Variants in LPP observed in about 807,000 individuals in gnomAD.
LPP encodes the protein LIM domain containing preferred translocation partner in lipoma, also known as lipoma-preferred partner.
A neutral mutation model predicts 60.4 loss-of-function variants in LPP; 38 were observed. The observed-to-expected ratio is 0.63, with a 90% CI of 0.49 to 0.83. The LOEUF (loss-of-function observed/expected upper bound fraction) is 0.83, where lower values mean the gene tolerates loss of function less well. Among genes scored for constraint, LPP ranks in the 40% least tolerant of loss-of-function variants. LPP has a pLI of 0.00. For missense variants in LPP, 902 were observed against 783.6 expected (o/e 1.15, Z -1.80); for synonymous variants, 328 against 290.8 (o/e 1.13, Z -1.30).
intron 9 of LPP, among the ~76,000 whole-genome samples, chr3:188,821,501 C>T (rs1239213128): frequency 6.6e-6 from 1 of 151,512 alleles, no homozygotes; most frequent in African/African-American, 2.4e-5. Flanking sequence ...ACCTGTAAAC[C>T]CATAATTTAT....
At chr3:188,201,066 TCTCCTCCTGG>T (rs911751460) in intron 1 of LPP, among the ~76,000 whole-genome samples, 1 of 152,208 alleles carries the variant, frequency 6.6e-6, no homozygotes, top group African/African-American at 2.4e-5. Context: ...TTCAGTTTAA[TCTCCTCCTGG>T]GAGTCATACC....
chr3:188,177,776 A>G (rs187464647), intron 1 of LPP, among the ~76,000 whole-genome samples: 3 of 152,290 alleles, frequency 2.0e-5, no homozygotes, highest in Non-Finnish European at 4.4e-5. Flanking sequence ...TTTTTATTAC[A>G]GGGAAACACC....
chr3:188,625,535 C>T (rs746577399), intron 7 of LPP, among the ~76,000 whole-genome samples: 2 of 152,066 alleles, frequency 1.3e-5, no homozygotes, highest in Admixed American at 6.6e-5. Context: ...TGAAACATTT[C>T]GGAGAAGGCA....
In LPP at chr3:188,305,807, G is replaced by A. The variant is rs182693247; in HGVS notation, c.-66-35856G>A. Among the ~76,000 whole-genome samples, 357 of 152,252 alleles carry A rather than the reference G, an allele frequency of 2.3e-3. 2 individuals carry two copies. The highest frequency in any genetic ancestry group is 4.7e-3 in the Admixed American group (72 of 15,286). On this transcript the variant is annotated intron_variant, in intron 2 of 11. Transcript: ENST00000617246. Reference sequence around the variant, plus strand: ...CCAGTAGTGTCATGAAACAAAGTACGTTGGCCAGAGAGAGACATATACTAT... The same window carrying A: ...CCAGTAGTGTCATGAAACAAAGTACATTGGCCAGAGAGAGACATATACTAT...
intron 4 of LPP, among the ~76,000 whole-genome samples, chr3:188,413,602 G>C (rs1303188593): frequency 6.6e-6 from 1 of 152,072 alleles, no homozygotes; most frequent in Non-Finnish European, 1.5e-5. Context: ...AGGTCCTCAG[G>C]GGGACAAAAG....
intron 2 of LPP, among the ~76,000 whole-genome samples, chr3:188,309,047 AG>A (rs1752555263): frequency 1.6e-5 from 1 of 61,380 alleles, no homozygotes; most frequent in African/African-American, 7.2e-5. Context: ...TTTGATATGG[AG>A]TCTCACTCTG....
At chr3:188,427,016 T>C (rs1252853177) in intron 4 of LPP, among the ~76,000 whole-genome samples, 1 of 152,156 alleles carries the variant, frequency 6.6e-6, no homozygotes, top group Non-Finnish European at 1.5e-5. Flanking sequence ...TTATTTTCCC[T>C]GTTAGTTGAT....
At chr3:188,243,398 G>A (rs1317263425) in intron 2 of LPP, among the ~76,000 whole-genome samples, 2 of 152,150 alleles carry the variant, frequency 1.3e-5, no homozygotes, top group Non-Finnish European at 2.9e-5. Flanking sequence ...AGTATTGATA[G>A]GAAAACAGCA....
chr3:188,212,435 C>A lies in LPP; in HGVS notation c.-189-12970C>A, dbSNP rs867780851. Among the ~76,000 whole-genome samples the A allele has an allele frequency of 3.9e-5, 6 of 151,982 alleles. No homozygotes were observed. The South Asian group carries it at 1.0e-3, about 26-fold the overall frequency. On this transcript the variant is annotated intron_variant, in intron 1 of 11. Transcript: ENST00000617246. ...CTTCTTTAGCGGTTAATAATTTACT[C>A]CGAGTAAGGAATTCTTTGTTAAAGT...
At chr3:188,461,899 A>G (rs1037794530) in intron 4 of LPP, among the ~76,000 whole-genome samples, 1 of 151,930 alleles carries the variant, frequency 6.6e-6, no homozygotes, top group Admixed American at 6.6e-5. Flanking sequence ...CCATTTCTTC[A>G]CTCATATTTC....
intron 9 of LPP, among the ~76,000 whole-genome samples, chr3:188,804,243 T>TATATATATATATATATA (rs1553853278): frequency 2.7e-5 from 1 of 37,698 alleles, no homozygotes; most frequent in African/African-American, 1.1e-4. Context: ...TAGTGCATCT[T>TATATATATATATATATA]TATATATATA....
At chr3:188,323,279 C>T (rs1757463432) in intron 2 of LPP, among the ~76,000 whole-genome samples, 1 of 152,178 alleles carries the variant, frequency 6.6e-6, no homozygotes, top group South Asian at 2.1e-4. Flanking sequence ...TGTGAATCAC[C>T]TTGGGAAAGC....
chr3:188,666,166 T>G (rs1306403268), intron 7 of LPP, among the ~76,000 whole-genome samples: 4 of 152,216 alleles, frequency 2.6e-5, no homozygotes, highest in Non-Finnish European at 5.9e-5. Flanking sequence ...AACTAAGAAT[T>G]GTAATGTTAT....
chr3:188,320,200 G>C (rs534231174), intron 2 of LPP, among the ~76,000 whole-genome samples: 27 of 152,304 alleles, frequency 1.8e-4, no homozygotes, highest in Middle Eastern at 3.4e-3. Context: ...AAGACCAGTT[G>C]TCTGGGACTA....
intron 1 of LPP, among the ~76,000 whole-genome samples, chr3:188,204,447 G>C (rs1465613392): frequency 6.6e-6 from 1 of 152,130 alleles, no homozygotes; most frequent in Non-Finnish European, 1.5e-5. Context: ...CTTGCAATTG[G>C]AGTAGCGGGG....
At chr3:188,595,142 T>C (rs1839742859) in intron 6 of LPP, among the ~76,000 whole-genome samples, 1 of 152,172 alleles carries the variant, frequency 6.6e-6, no homozygotes, top group Admixed American at 6.5e-5. Context: ...CCAAATTCTT[T>C]GAATTCTTTC....
intron 9 of LPP, among the ~76,000 whole-genome samples, chr3:188,838,284 A>G (rs182163976): frequency 7.4e-4 from 113 of 152,268 alleles, no homozygotes; most frequent in African/African-American, 2.6e-3. Flanking sequence ...GGATGAAAAA[A>G]AGATTCTAGG....
chr3:188,287,382 A>G (rs1744301710), intron 2 of LPP, among the ~76,000 whole-genome samples: 1 of 152,222 alleles, frequency 6.6e-6, no homozygotes, highest in Non-Finnish European at 1.5e-5. Context: ...TAAGAAACTG[A>G]GGTCTGGCAA....
At chr3:188,591,454 T>TATTTC (rs1220871516) in intron 6 of LPP, among the ~76,000 whole-genome samples, 1 of 152,200 alleles carries the variant, frequency 6.6e-6, no homozygotes, top group Non-Finnish European at 1.5e-5. Flanking sequence ...CCATACATAT[T>TATTTC]CATATTAGGA....
Sources: gnomAD v4.1 joint callset for allele counts (sites outside exome capture counted in the v4.1 genomes callset) on GRCh38, gnomAD v4.1.1 for gene constraint, MANE v1.5 for transcripts, NCBI Gene and HGNC (gene_info 2026-07-23, HGNC 2026-07-21) for gene names.